The following RYK variants were observed in gnomAD, a reference collection of about 807,000 sequenced individuals.
The protein encoded by RYK is receptor like tyrosine kinase, also known as inactive tyrosine-protein kinase RYK.
Under a neutral mutation model 70.2 loss-of-function variants are expected in RYK, and 21 were observed. The ratio of observed to expected loss-of-function variants is 0.30; its 90% CI spans 0.21 to 0.43. RYK has a LOEUF of 0.43. Ranked by LOEUF, RYK falls within the 20% of genes least tolerant of loss-of-function variation. The pLI is 1.00. For synonymous variants in RYK, 267 were observed against 278.0 expected (o/e 0.96, Z 0.39); for missense variants, 604 against 753.3 (o/e 0.80, Z 2.32).
chr3:134,207,788 T>C (rs1576521539), intron 4 of RYK, among the ~76,000 whole-genome samples: 3 of 152,194 alleles, frequency 2.0e-5, no homozygotes, highest in Admixed American at 1.3e-4. Flanking sequence ...CATACTATAG[T>C]GTCTCTTTGG....
At chr3:134,247,024 A>C (rs980455438) in intron 1 of RYK, among the ~76,000 whole-genome samples, 4 of 152,168 alleles carry the variant, frequency 2.6e-5, no homozygotes, top group Non-Finnish European at 4.4e-5. Context: ...TACTTCTTGG[A>C]GTAGTTGAGG....
At chr3:134,222,274 T>C (rs536108973) in intron 2 of RYK, 144 bp downstream of exon 2, 2 of 840,990 alleles carry the variant, frequency 2.4e-6, no homozygotes, top group African/African-American at 3.5e-5. Flanking sequence ...ATATTTGAAA[T>C]ATAAATCTGA....
intron 6 of RYK, among the ~76,000 whole-genome samples, chr3:134,197,404 A>G (rs1371610727): frequency 6.6e-6 from 1 of 152,230 alleles, no homozygotes; most frequent in Non-Finnish European, 1.5e-5. Context: ...GAGTGTGCAT[A>G]ACACTATCCT....
intron 13 of RYK, among the ~76,000 whole-genome samples, chr3:134,174,092 T>C (rs1260199893): frequency 6.6e-6 from 1 of 152,072 alleles, no homozygotes; most frequent in African/African-American, 2.4e-5. Context: ...TTGAAAGACG[T>C]ATGTGAAGAA....
chr3:134,193,860 T>TG (rs2013727386), intron 7 of RYK, among the ~76,000 whole-genome samples: 3 of 152,176 alleles, frequency 2.0e-5, no homozygotes, highest in Admixed American at 2.0e-4. Flanking sequence ...GTAAGTCAGG[T>TG]CTATAACCTT....
chr3:134,221,196 CTTTTTTTTTTTTTT>C (rs71139519), intron 2 of RYK, among the ~76,000 whole-genome samples: 1 of 78,562 alleles, frequency 1.3e-5, no homozygotes, highest in Non-Finnish European at 2.3e-5. Flanking sequence ...AGTTCTTTTT[CTTTTTTTTTTTTTT>C]TTTTTTTTTT....
chr3:134,222,472 C>T lies in RYK; in HGVS notation c.300G>A (p.Leu100=), dbSNP rs752984003. Residue 100 remains leucine (L), a synonymous_variant, in exon 2 of 15, where the codon CTG becomes CTA. Transcript: ENST00000623711. ...GGAAATTTGTCTCACTGGGTACTAA[C>T]AGACTAAAGGATAGAGCGTAGTGAC... ...LISHYALSFS[L]LVPSETNFLH... 2.5e-6 allele frequency: 4 copies of T among 1,613,324 alleles called. No homozygotes were observed. The East Asian group carries it at 8.9e-5, about 36-fold the overall frequency.
At chr3:134,226,727 C>CAATA (rs376122541) in intron 1 of RYK, among the ~76,000 whole-genome samples, 14 of 152,066 alleles carry the variant, frequency 9.2e-5, no homozygotes, top group African/African-American at 3.1e-4. Flanking sequence ...CGTATCATCT[C>CAATA]GATACAGAAA....
chr3:134,164,916 A>C (rs1410947253), intron 13 of RYK, among the ~76,000 whole-genome samples: 1 of 152,190 alleles, frequency 6.6e-6, no homozygotes, highest in Non-Finnish European at 1.5e-5. Context: ...AGACTTTTCA[A>C]TTTTAGCCAA....
intron 1 of RYK, among the ~76,000 whole-genome samples, chr3:134,247,354 G>A (rs756095555): frequency 9.9e-5 from 15 of 152,162 alleles, no homozygotes; most frequent in Non-Finnish European, 2.2e-4. Flanking sequence ...AGCTACCCCT[G>A]GAAAGTAGAG....
intron 1 of RYK, 136 bp from the exon 2 acceptor site, chr3:134,222,675 T>C: frequency 2.8e-6 from 2 of 704,696 alleles, no homozygotes; most frequent in Middle Eastern, 3.9e-4. Context: ...TAACATGGGC[T>C]GCCTTATGAA....
At chr3:134,204,069 AG>A (rs533256709) in intron 5 of RYK, among the ~76,000 whole-genome samples, 54 of 152,358 alleles carry the variant, frequency 3.5e-4, no homozygotes, top group Admixed American at 7.2e-4. Context: ...CAGAAGACTG[AG>A]TGACAGAAGG....
At chr3:134,247,532 G>A (rs564377227) in intron 1 of RYK, among the ~76,000 whole-genome samples, 4 of 152,146 alleles carry the variant, frequency 2.6e-5, no homozygotes, top group South Asian at 2.1e-4. Flanking sequence ...GAGAAACCTC[G>A]TCTCTACTAA....
chr3:134,195,685 G>A lies in RYK; in HGVS notation c.789-503C>T, dbSNP rs181206796. 4.0e-3 allele frequency among the ~76,000 whole-genome samples: 603 copies of A among 152,320 alleles called. 2 individuals carry two copies. Among genetic ancestry groups the A allele is most frequent in the Non-Finnish European group, 6.8e-3 (462 of 68,024 alleles). On this transcript the variant is annotated intron_variant, in intron 6 of 14. Coordinates refer to ENST00000623711, the MANE Select transcript of RYK (RefSeq NM_002958.4). Reference sequence around the variant, plus strand: ...GTATTGGCCAGGTGCGGTGGCTCACGCCTGTAATCCCAACACTTTGGGAGG... The same window carrying A: ...GTATTGGCCAGGTGCGGTGGCTCACACCTGTAATCCCAACACTTTGGGAGG...
chr3:134,247,380 A>T (rs541620427), intron 1 of RYK, among the ~76,000 whole-genome samples: 9 of 152,224 alleles, frequency 5.9e-5, no homozygotes, highest in Non-Finnish European at 8.8e-5. Context: ...GGGATAAAAA[A>T]GACAAAAGCA....
intron 5 of RYK, among the ~76,000 whole-genome samples, chr3:134,207,171 T>C (rs1054485352): frequency 1.3e-5 from 2 of 152,192 alleles, no homozygotes; most frequent in African/African-American, 4.8e-5. Context: ...CTAATAAACA[T>C]CTTACACATA....
At chr3:134,219,873 C>CA (rs1338875093) in intron 2 of RYK, among the ~76,000 whole-genome samples, 1 of 152,070 alleles carries the variant, frequency 6.6e-6, no homozygotes, top group African/African-American at 2.4e-5. Context: ...AAAACAGATG[C>CA]AAAAAGTAGT....
At chr3:134,219,530 C>T (rs988489812) in intron 2 of RYK, among the ~76,000 whole-genome samples, 8 of 152,308 alleles carry the variant, frequency 5.3e-5, no homozygotes, top group Non-Finnish European at 7.3e-5. Context: ...GTACCTAGAA[C>T]AGAATTCTCT....
intron 1 of RYK, among the ~76,000 whole-genome samples, chr3:134,235,423 A>G (rs1173215278): frequency 6.6e-6 from 1 of 152,134 alleles, no homozygotes; most frequent in Non-Finnish European, 1.5e-5. Flanking sequence ...CAAATAGTCT[A>G]TAAATGAGTA....
Sources: allele counts gnomAD v4.1 joint callset (sites outside exome capture counted in the v4.1 genomes callset), GRCh38; gene constraint gnomAD v4.1.1; transcripts MANE v1.5; gene names NCBI Gene and HGNC (gene_info 2026-07-23, HGNC 2026-07-21).